The following TPMT variants were observed in gnomAD, a reference collection of about 807,000 sequenced individuals.
The protein encoded by TPMT is S-adenosyl-L-methionine:thiopurine S-methyltransferase.
A neutral mutation model predicts 34.2 loss-of-function variants in TPMT; 18 were observed. The ratio of observed to expected loss-of-function variants is 0.53; its 90% CI spans 0.36 to 0.78. The LOEUF is 0.78. Ranked by LOEUF, TPMT falls within the 30% of genes least tolerant of loss-of-function variation. TPMT has a pLI of 0.00. For missense variants in TPMT, 265 were observed against 288.1 expected (o/e 0.92, Z 0.58); for synonymous variants, 69 against 92.4 (o/e 0.75, Z 1.45).
At chr6:18,133,765 C>G in intron 7 of TPMT, 39 bp downstream of exon 7, 1 of 1,413,640 alleles carries the variant, frequency 7.1e-7, no homozygotes. Flanking sequence ...AGAAACTAGG[C>G]AACTGGTAAA....
rs1376758542 is a variant in TPMT, at chr6:18,145,144, G to A, written c.234-1416C>T. Among the ~76,000 whole-genome samples, 1 of 152,118 alleles carries A rather than the reference G, an allele frequency of 6.6e-6. No homozygotes were observed. Among genetic ancestry groups the A allele is most frequent in the Non-Finnish European group, 1.5e-5 (1 of 68,022 alleles). ...ATAGTTCTGCTATAATGTAACAAGT[G>A]CCTTCCTAAAATCACTGCACTATGC... On this transcript the variant is annotated intron_variant, in intron 3 of 8. Coordinates refer to ENST00000309983, the MANE Select transcript of TPMT (RefSeq NM_000367.5). The surrounding 1 kb of genome is among the most constrained non-coding windows in gnomAD (Gnocchi z 5.6).
rs529974686 is a variant in TPMT at position 18,153,964 on chromosome 6, C to G, written c.-45+1069G>C. On this transcript the variant is annotated intron_variant, in intron 1 of 8. Transcript: ENST00000309983. This position sits in a 1 kb window ranked among gnomAD's most constrained non-coding sequence, Gnocchi z 4.2. ...TTGAGACAGGGTCTCTCTCTATCCCCCAGGCTGGAGTGCAGTGGTGTAATG... is the reference window on the plus strand; with the variant it reads ...TTGAGACAGGGTCTCTCTCTATCCCGCAGGCTGGAGTGCAGTGGTGTAATG... Among the ~76,000 whole-genome samples, 4 of 152,258 alleles carry G rather than the reference C, an allele frequency of 2.6e-5. No homozygotes were observed. The South Asian group carries it at 6.2e-4, about 24-fold the overall frequency.
rs1561891194 is a variant in TPMT at position 18,145,999 on chromosome 6, A to G, written c.233+1824T>C. On this transcript the variant is annotated intron_variant, in intron 3 of 8. Coordinates refer to ENST00000309983, the MANE Select transcript of TPMT (RefSeq NM_000367.5). The surrounding 1 kb of genome is among the most constrained non-coding windows in gnomAD (Gnocchi z 5.6). ...AAAAACCAAAAACCTAAACCTAAAT[A>G]TCTTAAACATTTTGTTTTAATGCTT... Among the ~76,000 whole-genome samples the G allele has an allele frequency of 6.6e-6, 1 of 152,058 alleles. No homozygotes were observed. The highest frequency in any genetic ancestry group is 1.9e-4 in the East Asian group (1 of 5,168).
At position 18,140,310 on chromosome 6, in the gene TPMT, C is replaced by G. The variant is rs1784116724; in HGVS notation, c.367-593G>C. Among the ~76,000 whole-genome samples the G allele has an allele frequency of 6.6e-6, 1 of 152,190 alleles. No individual in the cohort carries two copies. Among genetic ancestry groups the G allele is most frequent in the Non-Finnish European group, 1.5e-5 (1 of 68,046 alleles). On this transcript the variant is annotated intron_variant, in intron 4 of 8. Coordinates refer to ENST00000309983, the MANE Select transcript of TPMT (RefSeq NM_000367.5). This position sits in a 1 kb window ranked among gnomAD's most constrained non-coding sequence, Gnocchi z 4.7. ...GAACATTACAATCCAGAATGGCCTG[C>G]TCTGTTGTGGTTCTGTGCCTGCGAA...
Position 18,143,660 on chromosome 6 carries a change from G to A in TPMT, c.302C>T (p.Thr101Ile). The change falls in exon 4 of 9, where the codon ACA (threonine) becomes ATA (isoleucine). Residue 101 changes from threonine (T) to isoleucine (I), a missense_variant. Thr to Ile is a moderately conservative substitution (Grantham distance 89). Coordinates refer to ENST00000309983, the MANE Select transcript of TPMT (RefSeq NM_000367.5). The surrounding 1 kb of genome is among the most constrained non-coding windows in gnomAD (Gnocchi z 6.1). ...ISELGIQEFF[T>I]EQNLSYSEEP... is the part of the protein sequence containing the mutation. The stretch of plus-strand genomic sequence containing the variant: ...TTCTGAGTAAGAAAGATTCTGCTCT[G>A]TAAAAAATTCTTGTATCCCAAGTTC... 1 of 1,613,978 alleles carries A rather than the reference G, an allele frequency of 6.2e-7. No homozygotes were observed. Among genetic ancestry groups the A allele is most frequent in the South Asian group, 1.1e-5 (1 of 91,076 alleles).
chr6:18,152,810 C>G (rs1784378605), intron 1 of TPMT, among the ~76,000 whole-genome samples: 1 of 152,046 alleles, frequency 6.6e-6, no homozygotes, highest in African/African-American at 2.4e-5. Context: ...TTAAGGGAAA[C>G]CAGCCCTTTC....
chr6:18,137,615 T>C (rs2150711527), intron 6 of TPMT, among the ~76,000 whole-genome samples: 1 of 152,336 alleles, frequency 6.6e-6, no homozygotes, highest in Middle Eastern at 3.4e-3. Flanking sequence ...CAAGACTCGG[T>C]ATAATAAGAA....
rs1479401458 is a variant in TPMT at position 18,135,355 on chromosome 6, C to T, written c.495-1466G>A. Among the ~76,000 whole-genome samples, 1 of 152,118 alleles carries T rather than the reference C, an allele frequency of 6.6e-6. No individual in the cohort carries two copies. Among genetic ancestry groups the T allele is most frequent in the Admixed American group, 6.6e-5 (1 of 15,264 alleles). On this transcript the variant is annotated intron_variant, in intron 6 of 8. Transcript: ENST00000309983. This position sits in a 1 kb window ranked among gnomAD's most constrained non-coding sequence, Gnocchi z 5.0. ...GAATGTGAAGTTTTTCTCTCTCAAC[C>T]AGTCTCAAAAAGTCCAGAAAAATGA...
rs760031790 is a variant in TPMT, at chr6:18,154,871, G to C, written c.-45+162C>G. Among the ~76,000 whole-genome samples the C allele has an allele frequency of 6.6e-6, 1 of 152,178 alleles. No individual in the cohort carries two copies. Among genetic ancestry groups the C allele is most frequent in the African/African-American group, 2.4e-5 (1 of 41,434 alleles). The stretch of plus-strand genomic sequence containing the variant: ...TTCAGGTCATTTACTGTCCGACCTC[G>C]TTATTCCCAGTTTCCGCTTCTGCCC... On this transcript the variant is annotated intron_variant, in intron 1 of 8. Coordinates refer to ENST00000309983, the MANE Select transcript of TPMT (RefSeq NM_000367.5). The surrounding 1 kb of genome is among the most constrained non-coding windows in gnomAD (Gnocchi z 4.2).
Position 18,154,844 on chromosome 6 carries a change from G to A in TPMT, c.-45+189C>T, listed in dbSNP as rs1784452016. On this transcript the variant is annotated intron_variant, in intron 1 of 8. Coordinates refer to ENST00000309983, the MANE Select transcript of TPMT (RefSeq NM_000367.5). The surrounding 1 kb of genome is among the most constrained non-coding windows in gnomAD (Gnocchi z 4.2). ...GAAGCACTTTAAATCCTGGACATTG[G>A]ATTCAGGTCATTTACTGTCCGACCT... Among the ~76,000 whole-genome samples the A allele has an allele frequency of 6.6e-6, 1 of 152,150 alleles. No individual in the cohort carries two copies. The highest frequency in any genetic ancestry group is 2.4e-5 in the African/African-American group (1 of 41,414).
At chr6:18,144,047 G>C (rs2150715805) in intron 3 of TPMT, among the ~76,000 whole-genome samples, 1 of 152,184 alleles carries the variant, frequency 6.6e-6, no homozygotes, top group South Asian at 2.1e-4. Context: ...GATTTGACTA[G>C]AGGAAATGCT....
At position 18,153,808 on chromosome 6, in the gene TPMT, T is replaced by TA. The variant is rs924086761; in HGVS notation, c.-45+1224dup. Among the ~76,000 whole-genome samples the TA allele has an allele frequency of 8.5e-5, 13 of 152,340 alleles. No homozygotes were observed. Among genetic ancestry groups the TA allele is most frequent in the Admixed American group, 4.6e-4 (7 of 15,296 alleles). On this transcript the variant is annotated intron_variant, in intron 1 of 8. Coordinates refer to ENST00000309983, the MANE Select transcript of TPMT (RefSeq NM_000367.5). This position sits in a 1 kb window ranked among gnomAD's most constrained non-coding sequence, Gnocchi z 4.2. ...AGGCTTCATAAAGCAGTTCTCTACT[T>TA]AAAAGAGAAGCATAATCTTTATCAG...
In TPMT at chr6:18,148,081, C is replaced by T. The variant is rs769945122; in HGVS notation, c.141-166G>A. ...AACAGGTAACTTGCTCAGACACACACCCAGTCAGTGGTAAATCTGACTTAC... is the reference window on the plus strand; with the variant it reads ...AACAGGTAACTTGCTCAGACACACATCCAGTCAGTGGTAAATCTGACTTAC... On this transcript the variant is annotated intron_variant, in intron 2 of 8. Coordinates refer to ENST00000309983, the MANE Select transcript of TPMT (RefSeq NM_000367.5). The surrounding 1 kb of genome is among the most constrained non-coding windows in gnomAD (Gnocchi z 4.1). Among the ~76,000 whole-genome samples the T allele has an allele frequency of 1.3e-5, 2 of 152,296 alleles. No individual in the cohort carries two copies. The highest frequency in any genetic ancestry group is 3.9e-4 in the East Asian group (2 of 5,192).
rs1178932667 is a variant in TPMT at position 18,132,647 on chromosome 6, G to C, written c.581-470C>G. On this transcript the variant is annotated intron_variant, in intron 7 of 8. Transcript: ENST00000309983. This position sits in a 1 kb window ranked among gnomAD's most constrained non-coding sequence, Gnocchi z 4.8. The stretch of plus-strand genomic sequence containing the variant: ...TTTTCTTCCCAAAGGTTCTTTGTTA[G>C]GGCTTCTGTTCATTAATGGAATTTA... Among the ~76,000 whole-genome samples the C allele has an allele frequency of 6.6e-6, 1 of 152,036 alleles. No individual in the cohort carries two copies. Among genetic ancestry groups the C allele is most frequent in the African/African-American group, 2.4e-5 (1 of 41,402 alleles).
intron 7 of TPMT, among the ~76,000 whole-genome samples, chr6:18,133,041 C>A (rs1783975299): frequency 6.6e-6 from 1 of 151,946 alleles, no homozygotes; most frequent in African/African-American, 2.4e-5. Context: ...TGCAGTGAGC[C>A]GAGATGAAAC....
intron 1 of TPMT, among the ~76,000 whole-genome samples, chr6:18,151,170 T>C (rs563521070): frequency 6.7e-6 from 1 of 149,978 alleles, no homozygotes; most frequent in Non-Finnish European, 1.5e-5. Context: ...TCTCATTTTT[T>C]TAACTTCTTC....
Position 18,143,538 on chromosome 6 carries a change from A to T in TPMT, c.366+58T>A. ...TGAATGGTATCCTCATAATACTCACACTGAGAAAAACTTTTGTGGGGATAT... is the reference window on the plus strand; with the variant it reads ...TGAATGGTATCCTCATAATACTCACTCTGAGAAAAACTTTTGTGGGGATAT... On this transcript the variant is annotated intron_variant, in intron 4 of 8. Coordinates refer to ENST00000309983, the MANE Select transcript of TPMT (RefSeq NM_000367.5). The surrounding 1 kb of genome is among the most constrained non-coding windows in gnomAD (Gnocchi z 6.1). 6.2e-7 allele frequency: 1 copy of T among 1,605,984 alleles called. No homozygotes were observed. The highest frequency in any genetic ancestry group is 8.5e-7 in the Non-Finnish European group (1 of 1,175,694).
At position 18,130,762 on chromosome 6, in the gene TPMT, C is replaced by T. The variant is rs56161402; in HGVS notation, c.644G>A (p.Arg215His). The T allele has an allele frequency of 1.3e-3, 2,142 of 1,613,158 alleles. 18 individuals carry two copies. The African/African-American group carries it at 0.023, about 18-fold the overall frequency. The change falls in exon 9 of 9, where the codon CGT (arginine) becomes CAT (histidine). Residue 215 changes from arginine (R) to histidine (H), a missense_variant. Transcript: ENST00000309983. This position sits in a 1 kb window ranked among gnomAD's most constrained non-coding sequence, Gnocchi z 4.2. ...ERLFGKICNI[R>H]CLEKVDAFEE... ...AAAAGCATCAACCTTCTCAAGACAACGTATATTGCATATTTTACCTGAAAC... is the reference window on the plus strand; with the variant it reads ...AAAAGCATCAACCTTCTCAAGACAATGTATATTGCATATTTTACCTGAAAC...
At chr6:18,142,604 T>G (rs1162882453) in intron 4 of TPMT, among the ~76,000 whole-genome samples, 2 of 151,984 alleles carry the variant, frequency 1.3e-5, no homozygotes, top group African/African-American at 2.4e-5. Context: ...ACTTGGGTAG[T>G]GTTTGTTTAT....
Sources: allele counts gnomAD v4.1 joint callset (sites outside exome capture counted in the v4.1 genomes callset), GRCh38; gene constraint gnomAD v4.1.1; non-coding constraint Gnocchi (gnomAD v3.1); transcripts MANE v1.5; gene names NCBI Gene and HGNC (gene_info 2026-07-23, HGNC 2026-07-21).